SEPTIN7: variants seen among roughly 807,000 people sequenced by gnomAD.
The protein encoded by SEPTIN7 is septin 7, also known as septin-7.
A neutral mutation model predicts 63.3 loss-of-function variants in SEPTIN7; 10 were observed. The ratio of observed to expected loss-of-function variants is 0.16; its 90% CI spans 0.10 to 0.27. SEPTIN7 has a LOEUF of 0.27. Among genes scored for constraint, SEPTIN7 ranks in the 10% least tolerant of loss-of-function variants. The pLI is 1.00. For synonymous variants in SEPTIN7, 131 were observed against 165.3 expected (o/e 0.79, Z 1.59); for missense variants, 310 against 521.0 (o/e 0.59, Z 3.94).
At position 35,841,472 on chromosome 7, in the gene SEPTIN7, A is replaced by G. The variant is rs529073605; in HGVS notation, c.169+8572A>G. 4.6e-5 allele frequency among the ~76,000 whole-genome samples: 7 copies of G among 152,302 alleles called. No individual in the cohort carries two copies. In the East Asian group the frequency reaches 1.2e-3, roughly 25 times the overall value. On this transcript the variant is annotated intron_variant, in intron 3 of 13. Coordinates refer to ENST00000350320, the MANE Select transcript of SEPTIN7 (RefSeq NM_001788.6). ...AACTCCAGTGTCGAAAAACACAGCT[A>G]TCCTTTCTTTTGACAGACCGAGAGG...
chr7:35,863,691 G>A (rs1342867537), intron 4 of SEPTIN7, 33 bp downstream of exon 4: 12 of 1,103,096 alleles, frequency 1.1e-5, no homozygotes, highest in South Asian at 1.4e-5. Flanking sequence ...TTGATAAGCT[G>A]GAATAATATT....
downstream of SEPTIN7, among the ~76,000 whole-genome samples, chr7:35,910,545 CAG>C (rs1269482958): frequency 2.6e-5 from 4 of 152,174 alleles, no homozygotes; most frequent in South Asian, 2.1e-4. Flanking sequence ...GCTCAAAAAA[CAG>C]AGCTGGTAGC....
chr7:35,841,423 A>G (rs899608050), intron 3 of SEPTIN7, among the ~76,000 whole-genome samples: 25 of 152,332 alleles, frequency 1.6e-4, no homozygotes, highest in Admixed American at 4.6e-4. Flanking sequence ...CTATCCTAAT[A>G]TGGTCTTTGA....
chr7:35,865,033 T>C (rs992142941), intron 4 of SEPTIN7, among the ~76,000 whole-genome samples: 1 of 152,074 alleles, frequency 6.6e-6, no homozygotes, highest in Non-Finnish European at 1.5e-5. Flanking sequence ...ATTTTTTTTT[T>C]TTTTGGTAAC....
chr7:35,876,812 T>C (rs369637892), intron 6 of SEPTIN7, among the ~76,000 whole-genome samples: 1 of 151,992 alleles, frequency 6.6e-6, no homozygotes, highest in Non-Finnish European at 1.5e-5. Flanking sequence ...CTACTAAAAA[T>C]ACAAAAATTA....
At chr7:35,801,541 GCCGCGGCCT>G (rs1008980893) in intron 1 of SEPTIN7, among the ~76,000 whole-genome samples, 272 of 151,936 alleles carry the variant, frequency 1.8e-3, no homozygotes, top group Non-Finnish European at 1.9e-3. Context: ...CCGGCGCAGA[GCCGCGGCCT>G]CCGCGGCCGG....
intron 4 of SEPTIN7, among the ~76,000 whole-genome samples, chr7:35,867,157 T>C (rs1024889370): frequency 6.6e-6 from 1 of 152,084 alleles, no homozygotes; most frequent in Non-Finnish European, 1.5e-5. Flanking sequence ...TTTTTACTTA[T>C]ATATATATTT....
Position 35,801,142 on chromosome 7 carries a change from G to A in SEPTIN7, c.-68G>A. 1 of 1,332,042 alleles carries A rather than the reference G, an allele frequency of 7.5e-7. No homozygotes were observed. The highest frequency in any genetic ancestry group is 1.0e-6 in the Non-Finnish European group (1 of 999,678). 82.5% of individuals were successfully genotyped at this position (1,332,042 alleles called of 1,614,324 possible). On this transcript the variant is annotated 5_prime_UTR_variant, in exon 1 of 14. Transcript: ENST00000350320. ...CGCCGGGCGGCTACGCTGCGGAATC[G>A]GCGTAGGCGCCTTTGGAGAATCGGC...
Position 35,879,879 on chromosome 7 carries a change from T to C in SEPTIN7, c.569T>C (p.Ile190Thr), listed in dbSNP as rs757510137. 1 of 1,602,568 alleles carries C rather than the reference T, an allele frequency of 6.2e-7. No homozygotes were observed. Among genetic ancestry groups the C allele is most frequent in the South Asian group, 1.1e-5 (1 of 88,738 alleles). ...MKRLHEKVNI[I>T]PLIAKADTLT... ...CGTTTGCATGAAAAAGTGAATATCA[T>C]CCCACTTATTGCCAAAGCAGACACA... The change falls in exon 7 of 14, where the codon ATC becomes ACC. Residue 190 changes from isoleucine to threonine, a missense_variant. Physicochemically the swap from Ile to Thr is moderately conservative, Grantham distance 89. Transcript: ENST00000350320.
chr7:35,839,178 T>A (rs1210117902), intron 3 of SEPTIN7, among the ~76,000 whole-genome samples: 1 of 152,208 alleles, frequency 6.6e-6, no homozygotes, highest in African/African-American at 2.4e-5. Context: ...TTGAAAAGGA[T>A]ATTTTTTCAT....
rs754693639 is a variant in SEPTIN7 at position 35,896,644 on chromosome 7, C to T, written c.999-1604C>T. Among the ~76,000 whole-genome samples, 183 of 152,138 alleles carry T rather than the reference C, an allele frequency of 1.2e-3. 1 individual carries two copies. The highest frequency in any genetic ancestry group is 1.4e-3 in the Non-Finnish European group (96 of 68,018). ...TTTTAACAAAAAAAGATGATATTTA[C>T]ACTTGAAAATGTTTTTCAGCTGACT... is the stretch of plus-strand genomic sequence containing the variant. On this transcript the variant is annotated intron_variant, in intron 11 of 13. Coordinates refer to ENST00000350320, the MANE Select transcript of SEPTIN7 (RefSeq NM_001788.6).
At chr7:35,806,714 T>C (rs1214686836) in intron 1 of SEPTIN7, among the ~76,000 whole-genome samples, 2 of 152,212 alleles carry the variant, frequency 1.3e-5, no homozygotes, top group Non-Finnish European at 2.9e-5. Flanking sequence ...AGGTAACCAC[T>C]GATAAGATTT....
At chr7:35,823,280 C>T (rs1442702744) in intron 1 of SEPTIN7, among the ~76,000 whole-genome samples, 1 of 152,132 alleles carries the variant, frequency 6.6e-6, no homozygotes, top group African/African-American at 2.4e-5. Flanking sequence ...TGGCTCACTG[C>T]AATCTCCACC....
At chr7:35,805,394 A>G (rs1481771733) in intron 1 of SEPTIN7, among the ~76,000 whole-genome samples, 1 of 152,212 alleles carries the variant, frequency 6.6e-6, no homozygotes, top group Non-Finnish European at 1.5e-5. Flanking sequence ...GATAAACTAT[A>G]AGCCCCAATT....
At chr7:35,904,196 TGTC>T in intron 13 of SEPTIN7, 55 bp from the exon 14 acceptor site, 1 of 1,297,940 alleles carries the variant, frequency 7.7e-7, no homozygotes, top group Non-Finnish European at 1.1e-6. Context: ...GTTATCATGT[TGTC>T]TATCATGTTT....
intron 12 of SEPTIN7, chr7:35,901,450 G>C (rs1315593771): frequency 6.6e-6 from 1 of 152,144 alleles, no homozygotes; most frequent in African/African-American, 2.4e-5. Context: ...GATTATACTT[G>C]TTGCCCCAGA....
chr7:35,827,605 C>T (rs1355339016), intron 1 of SEPTIN7, among the ~76,000 whole-genome samples: 3 of 152,162 alleles, frequency 2.0e-5, no homozygotes, highest in African/African-American at 2.4e-5. Context: ...ATTCTCCTGC[C>T]TCAGCCTCCA....
chr7:35,891,893 G>A (rs1478099759), intron 11 of SEPTIN7, among the ~76,000 whole-genome samples: 2 of 151,992 alleles, frequency 1.3e-5, no homozygotes, highest in Non-Finnish European at 2.9e-5. Context: ...ATCTTTATAA[G>A]CTTTTTTCTA....
At chr7:35,853,467 G>A (rs1347975629) in intron 3 of SEPTIN7, among the ~76,000 whole-genome samples, 2 of 152,178 alleles carry the variant, frequency 1.3e-5, no homozygotes, top group African/African-American at 4.8e-5. Flanking sequence ...AGGTCAAGAA[G>A]CATGTTCCTT....
Sources: gnomAD v4.1 joint callset for allele counts (sites outside exome capture counted in the v4.1 genomes callset) on GRCh38, gnomAD v4.1.1 for gene constraint, MANE v1.5 for transcripts, NCBI Gene and HGNC (gene_info 2026-07-23, HGNC 2026-07-21) for gene names.